CRK: variants seen among roughly 807,000 people sequenced by gnomAD.
CRK encodes CRK proto-oncogene, adaptor protein, also known as adapter molecule crk.
Under a neutral mutation model 29.8 loss-of-function variants are expected in CRK, and 4 were observed. That is an observed-to-expected ratio of 0.13 (90% CI 0.07 to 0.31). The LOEUF (loss-of-function observed/expected upper bound fraction) is 0.31, where lower values mean the gene tolerates loss of function less well. Among genes scored for constraint, CRK ranks in the 10% least tolerant of loss-of-function variants. The pLI, the probability that CRK is intolerant of heterozygous loss-of-function variation, is 1.00. For synonymous variants in CRK, 153 were observed against 164.9 expected, an observed-to-expected ratio of 0.93 and a Z score of 0.55; for missense variants, 274 against 396.5, an observed-to-expected ratio of 0.69 and a Z score of 2.62.
chr17:1,454,735 C>T (rs1598307991), intron 1 of CRK, among the ~76,000 whole-genome samples: 1 of 152,218 alleles, frequency 6.6e-6, no homozygotes, highest in East Asian at 1.9e-4. Context: ...CGTGAAGGCA[C>T]GAGGACTCCT....
chr17:1,442,789 TAG>T (rs1226631655), intron 1 of CRK, among the ~76,000 whole-genome samples: 2 of 151,616 alleles, frequency 1.3e-5, no homozygotes, highest in Non-Finnish European at 2.9e-5. Context: ...GTAATTTCAG[TAG>T]AGACACAGTT....
intron 2 of CRK, among the ~76,000 whole-genome samples, chr17:1,428,949 G>A (rs1481918044): frequency 1.3e-5 from 2 of 151,720 alleles, no homozygotes; most frequent in African/African-American, 2.4e-5. Context: ...GGGTTCAAGC[G>A]ATTCTCCTGC....
At chr17:1,430,368 A>T (rs1287607553) in intron 2 of CRK, among the ~76,000 whole-genome samples, 1 of 138,844 alleles carries the variant, frequency 7.2e-6, no homozygotes, top group Non-Finnish European at 1.5e-5. Flanking sequence ...TATTAGTATT[A>T]TTTTTTGAGA....
intron 1 of CRK, among the ~76,000 whole-genome samples, chr17:1,454,112 G>GA (rs910292512): frequency 6.6e-6 from 1 of 151,696 alleles, no homozygotes; most frequent in African/African-American, 2.4e-5. Context: ...GGCTGAGGCA[G>GA]AATCACTTGA....
chr17:1,440,226 G>A (rs2073923605), intron 1 of CRK, among the ~76,000 whole-genome samples: 1 of 151,412 alleles, frequency 6.6e-6, no homozygotes, highest in Non-Finnish European at 1.5e-5. Context: ...ATGAACCCAG[G>A]AGGCAGAGCT....
At chr17:1,443,002 G>A (rs1273308108) in intron 1 of CRK, among the ~76,000 whole-genome samples, 4 of 142,654 alleles carry the variant, frequency 2.8e-5, no homozygotes, top group South Asian at 2.3e-4. Flanking sequence ...TTTTTGAGAC[G>A]GACTCTTGCT....
chr17:1,436,371 T>C (rs148129039), intron 2 of CRK, among the ~76,000 whole-genome samples: 1 of 152,300 alleles, frequency 6.6e-6, no homozygotes, highest in East Asian at 1.9e-4. Context: ...GGTGGTGTTA[T>C]TAAAGTAGTC....
At chr17:1,441,244 A>G (rs1302975188) in intron 1 of CRK, among the ~76,000 whole-genome samples, 1 of 151,596 alleles carries the variant, frequency 6.6e-6, no homozygotes, top group Non-Finnish European at 1.5e-5. Flanking sequence ...TTGTTTTTTG[A>G]GACAGGAGAC....
chr17:1,454,731 G>A (rs890715638), intron 1 of CRK, among the ~76,000 whole-genome samples: 2 of 152,184 alleles, frequency 1.3e-5, no homozygotes, highest in African/African-American at 2.4e-5. Context: ...ACAGCGTGAA[G>A]GCACGAGGAC....
chr17:1,445,867 G>T (rs990641109), intron 1 of CRK, among the ~76,000 whole-genome samples: 1 of 152,204 alleles, frequency 6.6e-6, no homozygotes, highest in Non-Finnish European at 1.5e-5. Context: ...ACATGCCAAG[G>T]TGTTCTATTA....
intron 2 of CRK, among the ~76,000 whole-genome samples, chr17:1,432,687 G>C (rs1020978620): frequency 6.7e-6 from 1 of 150,340 alleles, no homozygotes; most frequent in African/African-American, 2.5e-5. Flanking sequence ...TGAGGCAGGA[G>C]AATGGCATGA....
At chr17:1,442,474 C>T (rs1037966837) in intron 1 of CRK, among the ~76,000 whole-genome samples, 1 of 151,666 alleles carries the variant, frequency 6.6e-6, no homozygotes, top group African/African-American at 2.4e-5. Context: ...GAGCCAGTGC[C>T]GTACTGAGAT....
intron 1 of CRK, among the ~76,000 whole-genome samples, chr17:1,451,404 T>G (rs1031817215): frequency 4.6e-5 from 7 of 151,660 alleles, no homozygotes; most frequent in African/African-American, 1.7e-4. Flanking sequence ...CTAATTTTTG[T>G]ATTTTTTAGT....
intron 2 of CRK, among the ~76,000 whole-genome samples, chr17:1,425,362 G>A (rs1220931635): frequency 6.6e-6 from 1 of 152,070 alleles, no homozygotes; most frequent in Non-Finnish European, 1.5e-5. Context: ...AAAGTGCTAT[G>A]ATTACAGGTG....
At chr17:1,452,779 A>G (rs1461640393) in intron 1 of CRK, among the ~76,000 whole-genome samples, 1 of 151,988 alleles carries the variant, frequency 6.6e-6, no homozygotes, top group Non-Finnish European at 1.5e-5. Context: ...GACAAGAGTA[A>G]AAACTCGGTC....
In CRK at chr17:1,430,665, T is replaced by G. The variant is rs1385797784; in HGVS notation, c.777+5955A>C. Among the ~76,000 whole-genome samples, 11 of 150,306 alleles carry G rather than the reference T, an allele frequency of 7.3e-5. No homozygotes were observed. The South Asian group carries it at 2.0e-3, about 27-fold the overall frequency. On this transcript the variant is annotated intron_variant, in intron 2 of 2. Coordinates refer to ENST00000300574, the MANE Select transcript of CRK (RefSeq NM_016823.4). ...CAGGCGTGAGCCACCACACCCAGCC[T>G]GATTCTGATTTTTAAACGGATAAAG...
chr17:1,445,010 T>C (rs2063185), intron 1 of CRK, among the ~76,000 whole-genome samples: 113,752 of 150,634 alleles, frequency 0.76, 43,499 homozygotes, highest in African/African-American at 0.89. Flanking sequence ...TAGCCGGGCA[T>C]GGTGGCGGGC....
chr17:1,428,222 G>T (rs926304557), intron 2 of CRK, among the ~76,000 whole-genome samples: 4 of 150,458 alleles, frequency 2.7e-5, no homozygotes, highest in African/African-American at 9.8e-5. Flanking sequence ...GGATTCAAAT[G>T]ATTCTCCTGC....
intron 1 of CRK, among the ~76,000 whole-genome samples, chr17:1,437,906 T>C (rs2073899974): frequency 6.6e-6 from 1 of 151,318 alleles, no homozygotes; most frequent in African/African-American, 2.4e-5. Context: ...TCTCAGGTGA[T>C]CCACCCACCT....
Sources: allele counts gnomAD v4.1 joint callset (sites outside exome capture counted in the v4.1 genomes callset), GRCh38; gene constraint gnomAD v4.1.1; transcripts MANE v1.5; gene names NCBI Gene and HGNC (gene_info 2026-07-23, HGNC 2026-07-21).